ROS1: variants seen among roughly 807,000 people sequenced by gnomAD.
ROS1 encodes ROS proto-oncogene 1, receptor tyrosine kinase, also known as proto-oncogene tyrosine-protein kinase ROS.
In ROS1, 263 loss-of-function variants were observed where a neutral mutation model predicts 273.5. The observed-to-expected ratio is 0.96, with a 90% CI of 0.87 to 1.06. The LOEUF is 1.06. Ranked by LOEUF, ROS1 falls within the 50% of genes least tolerant of loss-of-function variation. The pLI is 0.00. For missense variants in ROS1, 2,833 were observed against 2,751.1 expected (o/e 1.03, Z -0.67); for synonymous variants, 1,008 against 954.1 (o/e 1.06, Z -1.04).
chr6:117,415,940 G>C (rs371733770), intron 3 of ROS1, among the ~76,000 whole-genome samples: 2 of 152,038 alleles, frequency 1.3e-5, no homozygotes, highest in African/African-American at 4.8e-5. Context: ...AATTTGAGAC[G>C]CATAGGCCTA....
intron 27 of ROS1, among the ~76,000 whole-genome samples, chr6:117,348,581 G>A (rs1027477304): frequency 1.3e-4 from 20 of 151,544 alleles, no homozygotes; most frequent in Non-Finnish European, 2.5e-4. Flanking sequence ...CAATTTCATT[G>A]ATTTCTACTA....
intron 5 of ROS1, among the ~76,000 whole-genome samples, chr6:117,407,429 A>G (rs1342106237): frequency 6.6e-6 from 1 of 152,178 alleles, no homozygotes; most frequent in Non-Finnish European, 1.5e-5. Flanking sequence ...CTATGCTGAA[A>G]TCAGGCAGAG....
intron 21 of ROS1, among the ~76,000 whole-genome samples, chr6:117,364,792 A>G (rs981695815): frequency 1.3e-4 from 20 of 152,178 alleles, no homozygotes; most frequent in Non-Finnish European, 2.5e-4. Context: ...GATTTTGCAA[A>G]TTACCTGAAA....
intron 39 of ROS1, among the ~76,000 whole-genome samples, chr6:117,316,863 A>G (rs1197105446): frequency 1.3e-5 from 2 of 152,062 alleles, no homozygotes; most frequent in Non-Finnish European, 2.9e-5. Context: ...TTCCAACTCC[A>G]CGCTATCCCT....
rs1332184592 is a variant in ROS1 at position 117,308,865 on chromosome 6, G to T, written c.6480C>A (p.Ser2160=). The T allele has an allele frequency of 1.2e-6, 2 of 1,613,114 alleles. No individual in the cohort carries two copies. Among genetic ancestry groups the T allele is most frequent in the Non-Finnish European group, 1.7e-6 (2 of 1,179,452 alleles). Residue 2160 remains serine (S), a synonymous_variant, in exon 42 of 44, where the codon TCC becomes TCA. Transcript: ENST00000368507. ...GCACATAGTTTAACACATCAAGGTT[G>T]GAATGAGCTGGATAAGGCTGATGAC... The part of the protein sequence containing the change: ...TLGHQPYPAH[S]NLDVLNYVQT...
intron 42 of ROS1, among the ~76,000 whole-genome samples, chr6:117,307,634 T>C (rs2128544434): frequency 1.3e-5 from 2 of 152,256 alleles, no homozygotes; most frequent in Admixed American, 1.3e-4. Flanking sequence ...GATGTGTGTG[T>C]ATCTGATCTC....
chr6:117,321,131 T>C (rs1354443036), intron 36 of ROS1, 128 bp downstream of exon 36: 1 of 935,950 alleles, frequency 1.1e-6, no homozygotes, highest in African/African-American at 1.7e-5. Flanking sequence ...AGGAAGTTAT[T>C]AATAATTATG....
chr6:117,401,706 A>G lies in ROS1; in HGVS notation c.604+1433T>C, dbSNP rs1582856262. On this transcript the variant is annotated intron_variant, in intron 7 of 43. Transcript: ENST00000368507. ...GTTCCTAGAACAATGTCTGGTATAT[A>G]ATAGTCCTTGATAAATACTTGAATG... Among the ~76,000 whole-genome samples, 4 of 152,130 alleles carry G rather than the reference A, an allele frequency of 2.6e-5. No individual in the cohort carries two copies. The East Asian group carries it at 7.7e-4, about 29-fold the overall frequency.
chr6:117,305,075 C>T, intron 42 of ROS1, among the ~76,000 whole-genome samples: 1 of 152,190 alleles, frequency 6.6e-6, no homozygotes. Flanking sequence ...TATAAATTAC[C>T]CAGGTTCTTT....
Position 117,389,519 on chromosome 6 carries a change from C to T in ROS1, c.1617G>A (p.Val539=). Residue 539 remains valine, a synonymous_variant, in exon 13 of 44, where the codon GTG becomes GTA. Coordinates refer to ENST00000368507, the MANE Select transcript of ROS1 (RefSeq NM_001378902.1). The part of the protein sequence containing the change: ...QDALSFNEFI[V]GCDLSHIEEF... ...CTTCTATGTGACTCAGGTCACATCC[C>T]ACGATGAATTCATTAAAAGACAAAG... 6.2e-7 allele frequency: 1 copy of T among 1,614,116 alleles called. No homozygotes were observed.
At chr6:117,389,947 T>A in intron 12 of ROS1, 101 bp from the exon 13 acceptor site, 1 of 1,046,372 alleles carries the variant, frequency 9.6e-7, no homozygotes, top group Non-Finnish European at 1.4e-6. Context: ...CAGAACTATG[T>A]ATCTCTGATG....
At chr6:117,309,194 G>A (rs1775348068) in intron 41 of ROS1, among the ~76,000 whole-genome samples, 1 of 152,092 alleles carries the variant, frequency 6.6e-6, no homozygotes, top group African/African-American at 2.4e-5. Flanking sequence ...TCATATGCAT[G>A]CTCACATGCA....
chr6:117,300,050 G>A (rs373108583), intron 43 of ROS1, among the ~76,000 whole-genome samples: 144 of 133,086 alleles, frequency 1.1e-3, no homozygotes, highest in African/African-American at 4.1e-3. Flanking sequence ...AGCCTCCCGA[G>A]TAGCTGGAAC....
chr6:117,309,999 A>T, intron 41 of ROS1, 82 bp downstream of exon 41: 1 of 1,255,234 alleles, frequency 8.0e-7, no homozygotes, highest in Non-Finnish European at 1.1e-6. Flanking sequence ...CACATTAAAA[A>T]AGCAAGATTA....
In ROS1 at chr6:117,360,416, G is replaced by A. The variant is rs1320831092; in HGVS notation, c.3367-11C>T. On this transcript the variant is annotated splice_polypyrimidine_tract_variant and intron_variant, in intron 22 of 43. Transcript: ENST00000368507. ...TGTAAAGGCCCTAACCTAAAGAAAAGGAAACAAAAATTGCATTCAGTAGTG... is the reference window on the plus strand; with the variant it reads ...TGTAAAGGCCCTAACCTAAAGAAAAAGAAACAAAAATTGCATTCAGTAGTG... 1 of 1,608,428 alleles carries A rather than the reference G, an allele frequency of 6.2e-7. No individual in the cohort carries two copies. Among genetic ancestry groups the A allele is most frequent in the Non-Finnish European group, 8.5e-7 (1 of 1,176,654 alleles).
intron 14 of ROS1, 70 bp from the exon 15 acceptor site, chr6:117,387,069 T>C: frequency 1.3e-6 from 1 of 755,852 alleles, no homozygotes. Context: ...CTTATATACT[T>C]ATATCTATGC....
At position 117,341,564 on chromosome 6, in the gene ROS1, C is replaced by T. The variant is rs1165495915; in HGVS notation, c.4720G>A (p.Glu1574Lys). 1 of 1,613,784 alleles carries T rather than the reference C, an allele frequency of 6.2e-7. No homozygotes were observed. The highest frequency in any genetic ancestry group is 1.7e-5 in the Admixed American group (1 of 59,978). ...SDTSLIISWRESHKPNGPKES... is the reference protein window; with the variant it reads ...SDTSLIISWRKSHKPNGPKES... ...TTAGGTCCATTTGGCTTGTGAGATT[C>T]TCTCCAAGATATAATGAGGCTGGTG... Residue 1574 changes from glutamate (E) to lysine (K), a missense_variant, in exon 30 of 44, where the codon GAA becomes AAA. Coordinates refer to ENST00000368507, the MANE Select transcript of ROS1 (RefSeq NM_001378902.1).
intron 16 of ROS1, among the ~76,000 whole-genome samples, chr6:117,384,281 T>C (rs1021885196): frequency 6.6e-6 from 1 of 152,192 alleles, no homozygotes; most frequent in Non-Finnish European, 1.5e-5. Flanking sequence ...CTTCATATGC[T>C]TCTTTATTTT....
intron 43 of ROS1, chr6:117,299,788 C>T (rs910905578): frequency 6.6e-6 from 1 of 152,188 alleles, no homozygotes; most frequent in South Asian, 2.1e-4. Context: ...CATTTTTCTG[C>T]AGCCAATTAG....
Sources: gnomAD v4.1 joint callset for allele counts (sites outside exome capture counted in the v4.1 genomes callset) on GRCh38, gnomAD v4.1.1 for gene constraint, MANE v1.5 for transcripts, NCBI Gene and HGNC (gene_info 2026-07-23, HGNC 2026-07-21) for gene names.